Variants in ATP12A observed in about 807,000 individuals in gnomAD.
ATP12A encodes the protein ATPase H+/K+ transporting non-gastric alpha2 subunit, also known as potassium-transporting ATPase alpha chain 2.
In ATP12A, 81 loss-of-function variants were observed where a neutral mutation model predicts 111.2. The ratio of observed to expected loss-of-function variants is 0.73; its 90% CI spans 0.61 to 0.88. The LOEUF is 0.88. Ranked by LOEUF, ATP12A falls within the 40% of genes least tolerant of loss-of-function variation. The pLI, the probability that ATP12A is intolerant of heterozygous loss-of-function variation, is 0.00. For missense variants in ATP12A, 1,196 were observed against 1,313.1 expected (o/e 0.91, Z 1.38); for synonymous variants, 498 against 499.8 (o/e 1.00, Z 0.05).
At chr13:24,693,662 G>A (rs1449225451) in intron 10 of ATP12A, among the ~76,000 whole-genome samples, 1 of 152,142 alleles carries the variant, frequency 6.6e-6, no homozygotes, top group Non-Finnish European at 1.5e-5. Context: ...CCCGTACCCA[G>A]CCTGGCTGCA....
At chr13:24,710,760 C>T in intron 20 of ATP12A, 32 bp from the exon 21 acceptor site, 1 of 1,610,678 alleles carries the variant, frequency 6.2e-7, no homozygotes, top group Non-Finnish European at 8.5e-7. Flanking sequence ...CCACAAGAAT[C>T]CCAAGTCTGT....
intron 2 of ATP12A, among the ~76,000 whole-genome samples, chr13:24,682,123 G>A (rs62648237): frequency 0.1 from 12,000 of 119,332 alleles, 1,089 homozygotes; most frequent in South Asian, 0.13. Context: ...TGTGTGGTGT[G>A]TGTGTGTGGT....
Position 24,702,079 on chromosome 13 carries a change from C to G in ATP12A, c.2018+8C>G. The G allele has an allele frequency of 6.2e-7, 1 of 1,614,202 alleles. No homozygotes were observed. The highest frequency in any genetic ancestry group is 8.5e-7 in the Non-Finnish European group (1 of 1,180,040). ...GGAGCAAGTTAACAAACGGTAAGCACAGGAGCAGCATAGTAAAAATTCCAG... is the reference window on the plus strand; with the variant it reads ...GGAGCAAGTTAACAAACGGTAAGCAGAGGAGCAGCATAGTAAAAATTCCAG... On this transcript the variant is annotated splice_region_variant and intron_variant, in intron 14 of 22. Coordinates refer to ENST00000381946, the MANE Select transcript of ATP12A (RefSeq NM_001676.7).
In ATP12A at chr13:24,711,349, G is replaced by A. The variant is rs763500436; in HGVS notation, c.3031G>A (p.Ala1011Thr). 2 of 1,608,046 alleles carry A rather than the reference G, an allele frequency of 1.2e-6. No homozygotes were observed. Among genetic ancestry groups the A allele is most frequent in the South Asian group, 2.2e-5 (2 of 89,918 alleles). The change falls in exon 22 of 23, where the codon GCC becomes ACC. Residue 1011 changes from alanine to threonine, a missense_variant. By Grantham distance (58) the Ala-to-Thr change is moderately conservative. Around this residue, in one of 3 missense-constraint regions of ATP12A, gnomAD observed 1,126 missense variants for 1,228.5 expected, o/e 0.92. Coordinates refer to ENST00000381946, the MANE Select transcript of ATP12A (RefSeq NM_001676.7). ...AQYWFVAVPH[A>T]ILIWVYDEVR... The stretch of plus-strand genomic sequence containing the variant: ...GTACTGGTTTGTGGCTGTGCCGCAC[G>A]CCATCCTGATCTGGGTGTATGATGA...
chr13:24,709,234 A>G (rs1196879310), intron 17 of ATP12A, 130 bp from the exon 18 acceptor site: 5 of 1,093,408 alleles, frequency 4.6e-6, no homozygotes, highest in Non-Finnish European at 6.4e-6. Context: ...TACTGCCTAT[A>G]GCCTGGATGG....
intron 14 of ATP12A, among the ~76,000 whole-genome samples, chr13:24,702,730 C>T (rs1014490726): frequency 6.6e-6 from 1 of 152,202 alleles, no homozygotes; most frequent in Non-Finnish European, 1.5e-5. Context: ...CAGTAGCAAA[C>T]TGAACAATAC....
At chr13:24,687,961 G>A (rs541987381) in intron 3 of ATP12A, among the ~76,000 whole-genome samples, 1 of 152,280 alleles carries the variant, frequency 6.6e-6, no homozygotes, top group Admixed American at 6.5e-5. Flanking sequence ...GAACCTGGTC[G>A]CTACCATTGA....
At chr13:24,682,401 A>ACGTGTGTGTGTGTGTGTGTGTGTGTGTG (rs1555253823) in intron 2 of ATP12A, among the ~76,000 whole-genome samples, 1 of 131,138 alleles carries the variant, frequency 7.6e-6, no homozygotes, top group African/African-American at 2.9e-5. Flanking sequence ...TGGTGTGTGT[A>ACGTGTGTGTGTGTGTGTGTGTGTGTGTG]TGTGTGTGTG....
At chr13:24,692,748 C>T (rs963985) in intron 9 of ATP12A, 39 bp from the exon 10 acceptor site, 384,159 of 1,607,040 alleles carry the variant, frequency 0.24, 50,117 homozygotes, top group East Asian at 0.5. Flanking sequence ...GACGGCCAGC[C>T]CAACCCACAG....
Position 24,690,986 on chromosome 13 carries a change from T to G in ATP12A, c.804T>G (p.Thr268=). The change falls in exon 8 of 23, where the codon ACT becomes ACG. Residue 268 remains threonine (T), a synonymous_variant. Coordinates refer to ENST00000381946, the MANE Select transcript of ATP12A (RefSeq NM_001676.7). ...CFYSTTCLEG[T]VTGMVINTGD... is the part of the protein sequence containing the mutation. ...AAGCATCTACTTCCCCTGTAGGCAC[T>G]GTCACCGGCATGGTTATCAACACGG... The G allele has an allele frequency of 1.2e-6, 2 of 1,614,152 alleles. No homozygotes were observed. The highest frequency in any genetic ancestry group is 1.1e-5 in the South Asian group (1 of 91,082).
chr13:24,703,398 A>C (rs1237286643), intron 14 of ATP12A, among the ~76,000 whole-genome samples: 2 of 151,626 alleles, frequency 1.3e-5, no homozygotes, highest in African/African-American at 4.8e-5. Flanking sequence ...GCCCGCCACC[A>C]TGCCTGGCTA....
chr13:24,708,896 G>GA lies in ATP12A; in HGVS notation c.2494-465dup, dbSNP rs1875795138. ...AGAAAGAGAGAGAAAGAGAAAGAAA[G>GA]AAAGGAAAGAAAGAAAGAAAGAAAG... On this transcript the variant is annotated intron_variant, in intron 17 of 22. Coordinates refer to ENST00000381946, the MANE Select transcript of ATP12A (RefSeq NM_001676.7). 4.2e-5 allele frequency among the ~76,000 whole-genome samples: 5 copies of GA among 118,304 alleles called. No individual in the cohort carries two copies. In the South Asian group the frequency reaches 1.6e-3, roughly 37 times the overall value. 77.6% of individuals were successfully genotyped at this position (118,304 alleles called of 152,430 possible). A position where few individuals can be genotyped will look rare whatever the true frequency, so the allele number is the denominator to read the frequency against.
chr13:24,701,759 A>G (rs899532681), intron 13 of ATP12A, among the ~76,000 whole-genome samples, 176 bp from the exon 14 acceptor site: 2 of 152,192 alleles, frequency 1.3e-5, no homozygotes, highest in African/African-American at 4.8e-5. Context: ...GCAAGGGTAG[A>G]CCCAATGGGA....
intron 12 of ATP12A, among the ~76,000 whole-genome samples, chr13:24,700,179 G>C (rs944144874): frequency 6.6e-6 from 1 of 152,090 alleles, no homozygotes; most frequent in Non-Finnish European, 1.5e-5. Context: ...AGGATGGCTC[G>C]GCCCCATTCC....
intron 11 of ATP12A, among the ~76,000 whole-genome samples, chr13:24,696,838 G>A (rs1417484625): frequency 6.6e-6 from 1 of 151,948 alleles, no homozygotes; most frequent in Non-Finnish European, 1.5e-5. Context: ...ACACATGAGC[G>A]GTGCTCAGCC....
At chr13:24,687,339 C>T (rs1401035704) in intron 3 of ATP12A, among the ~76,000 whole-genome samples, 1 of 152,080 alleles carries the variant, frequency 6.6e-6, no homozygotes, top group Non-Finnish European at 1.5e-5. Context: ...TGGCCGCTGC[C>T]TGTAATCCCA....
chr13:24,695,297 G>A (rs1875095964), intron 11 of ATP12A, among the ~76,000 whole-genome samples: 1 of 152,216 alleles, frequency 6.6e-6, no homozygotes, highest in Non-Finnish European at 1.5e-5. Context: ...CTGTGCTGTG[G>A]GTGGGGGTCT....
At chr13:24,698,555 A>T in intron 11 of ATP12A, 103 bp from the exon 12 acceptor site, 1 of 1,244,366 alleles carries the variant, frequency 8.0e-7, no homozygotes, top group Non-Finnish European at 1.1e-6. Context: ...CATGCTGAGG[A>T]TGCCATTGTG....
At chr13:24,705,509 G>A (rs536086710) in intron 14 of ATP12A, among the ~76,000 whole-genome samples, 10 of 152,240 alleles carry the variant, frequency 6.6e-5, no homozygotes, top group Non-Finnish European at 1.2e-4. Flanking sequence ...AGGCAATAGC[G>A]CTGCTCAAAG....
Sources: gnomAD v4.1 joint callset for allele counts (sites outside exome capture counted in the v4.1 genomes callset) on GRCh38, gnomAD v4.1.1 for gene constraint, gnomAD v4.1.1 regional missense constraint, MANE v1.5 for transcripts, NCBI Gene and HGNC (gene_info 2026-07-23, HGNC 2026-07-21) for gene names.